ELP4: variants seen among roughly 807,000 people sequenced by gnomAD.
ELP4 encodes elongator complex protein 4.
A neutral mutation model predicts 48.9 loss-of-function variants in ELP4; 51 were observed. The observed-to-expected ratio is 1.04, with a 90% CI of 0.83 to 1.32. The LOEUF (loss-of-function observed/expected upper bound fraction) is 1.32. ELP4 is among the 40% of genes most tolerant of loss of function. The pLI is 0.00. For synonymous variants in ELP4, 210 were observed against 189.2 expected, an observed-to-expected ratio of 1.11 and a Z score of -0.90; for missense variants, 519 against 514.6, an observed-to-expected ratio of 1.01 and a Z score of -0.08.
chr11:31,561,964 T>C (rs1957031802), intron 3 of ELP4, among the ~76,000 whole-genome samples: 1 of 152,186 alleles, frequency 6.6e-6, no homozygotes, highest in African/African-American at 2.4e-5. Flanking sequence ...GTCAGCACAT[T>C]TCCCTTTAAA....
At chr11:31,681,516 G>A (rs894594280) in intron 9 of ELP4, among the ~76,000 whole-genome samples, 4 of 152,050 alleles carry the variant, frequency 2.6e-5, no homozygotes, top group Non-Finnish European at 5.9e-5. Context: ...TCAATACAGG[G>A]CAAAATATCC....
At chr11:31,717,491 C>T (rs187402227) in intron 9 of ELP4, among the ~76,000 whole-genome samples, 45 of 152,220 alleles carry the variant, frequency 3.0e-4, no homozygotes, top group Non-Finnish European at 4.4e-5. Flanking sequence ...CACAATGGCT[C>T]ACGCCTGTAA....
At chr11:31,707,157 A>G (rs1946651103) in intron 9 of ELP4, 1 of 394,022 alleles carries the variant, frequency 2.5e-6, no homozygotes, top group East Asian at 3.6e-5. Flanking sequence ...AACCCTTCAT[A>G]CTATTCTTCA....
At chr11:31,571,195 C>CT (rs1346452647) in intron 3 of ELP4, among the ~76,000 whole-genome samples, 1 of 152,218 alleles carries the variant, frequency 6.6e-6, no homozygotes, top group Non-Finnish European at 1.5e-5. Flanking sequence ...CCCTCAAACT[C>CT]TACCATTGCT....
At chr11:31,591,206 A>G (rs538498733) in intron 3 of ELP4, among the ~76,000 whole-genome samples, 1 of 152,094 alleles carries the variant, frequency 6.6e-6, no homozygotes, top group South Asian at 2.1e-4. Context: ...GGAGATTGAA[A>G]CTATCCTGGC....
chr11:31,684,300 G>A (rs1332144623), intron 9 of ELP4, among the ~76,000 whole-genome samples: 1 of 151,928 alleles, frequency 6.6e-6, no homozygotes, highest in African/African-American at 2.4e-5. Context: ...TCCACCTTAG[G>A]GATTCAAGTG....
At chr11:31,754,076 C>T (rs1005931859) in intron 9 of ELP4, among the ~76,000 whole-genome samples, 3 of 152,058 alleles carry the variant, frequency 2.0e-5, no homozygotes, top group Non-Finnish European at 4.4e-5. Context: ...TACACACATG[C>T]CCCAAATCTA....
At chr11:31,774,543 T>C (rs1050985261) in intron 9 of ELP4, among the ~76,000 whole-genome samples, 10 of 152,224 alleles carry the variant, frequency 6.6e-5, no homozygotes, top group African/African-American at 2.4e-4. Context: ...TGAGTTCATC[T>C]GTCTTTTATA....
chr11:31,570,466 C>CTTTT (rs35501118), intron 3 of ELP4, among the ~76,000 whole-genome samples: 2 of 127,906 alleles, frequency 1.6e-5, no homozygotes, highest in Non-Finnish European at 3.2e-5. Flanking sequence ...TGTAATATAC[C>CTTTT]TTTTTTTTTT....
intron 9 of ELP4, among the ~76,000 whole-genome samples, chr11:31,714,398 ACT>A (rs1946800259): frequency 6.6e-6 from 1 of 152,094 alleles, no homozygotes; most frequent in Non-Finnish European, 1.5e-5. Context: ...GTTAGTAATG[ACT>A]CTGCAGTGAT....
chr11:31,595,823 G>A (rs370293895), intron 4 of ELP4, among the ~76,000 whole-genome samples: 85 of 152,190 alleles, frequency 5.6e-4, no homozygotes, highest in African/African-American at 1.9e-3. Context: ...TTATAAGCTC[G>A]CAATATGAAA....
At chr11:31,719,417 T>C (rs1425441699) in intron 9 of ELP4, 1 of 397,654 alleles carries the variant, frequency 2.5e-6, no homozygotes. Context: ...GATTTGAAGT[T>C]GAGGTTTATA....
At chr11:31,709,101 T>C (rs1592242785) in intron 9 of ELP4, among the ~76,000 whole-genome samples, 1 of 152,242 alleles carries the variant, frequency 6.6e-6, no homozygotes, top group African/African-American at 2.4e-5. Context: ...CATCCTGTCA[T>C]TGAATATTTT....
At chr11:31,776,152 CAAAAAA>C (rs371572032) in intron 9 of ELP4, among the ~76,000 whole-genome samples, 22 of 51,718 alleles carry the variant, frequency 4.3e-4, no homozygotes, top group African/African-American at 9.7e-4. Flanking sequence ...CCCTATCTCA[CAAAAAA>C]AAAAAAAAAA....
rs1261579269 is a variant in ELP4, at chr11:31,787,426, CG to C, written c.*3904del. 2 of 233,128 alleles carry C rather than the reference CG, an allele frequency of 8.6e-6. No homozygotes were observed. Among genetic ancestry groups the C allele is most frequent in the Non-Finnish European group, 1.7e-5 (2 of 118,040 alleles). 14.4% of individuals were successfully genotyped at this position (233,128 alleles called of 1,614,324 possible). A position where few individuals can be genotyped will look rare whatever the true frequency, so the allele number is the denominator to read the frequency against. On this transcript the variant is annotated 3_prime_UTR_variant, in exon 10 of 10. Coordinates refer to ENST00000640961, the MANE Select transcript of ELP4 (RefSeq NM_019040.5). ...CTGTCTACACAACAGAACCGTGGGC[CG>C]GAACTGGCTGCCTGACCGTGGTGGA...
intron 5 of ELP4, among the ~76,000 whole-genome samples, chr11:31,624,502 T>G (rs918211091): frequency 6.6e-6 from 1 of 151,564 alleles, no homozygotes; most frequent in African/African-American, 2.4e-5. Flanking sequence ...GACTGGAAGT[T>G]GCTCTGGGTG....
intron 9 of ELP4, among the ~76,000 whole-genome samples, chr11:31,753,695 T>C (rs530021539): frequency 2.6e-5 from 4 of 152,322 alleles, no homozygotes; most frequent in African/African-American, 7.2e-5. Flanking sequence ...ATGTTGAATA[T>C]AGCATTTTTT....
At chr11:31,677,159 T>C (rs1449545158) in intron 9 of ELP4, among the ~76,000 whole-genome samples, 1 of 152,206 alleles carries the variant, frequency 6.6e-6, no homozygotes, top group Non-Finnish European at 1.5e-5. Context: ...AAATTCTAAT[T>C]AAACAGTTTC....
intron 7 of ELP4, among the ~76,000 whole-genome samples, chr11:31,638,049 T>G (rs1945017417): frequency 6.6e-6 from 1 of 151,920 alleles, no homozygotes; most frequent in African/African-American, 2.4e-5. Flanking sequence ...TTAAACTAAT[T>G]AATAAAATTA....
Sources: allele counts gnomAD v4.1 joint callset (sites outside exome capture counted in the v4.1 genomes callset), GRCh38; gene constraint gnomAD v4.1.1; transcripts MANE v1.5; gene names NCBI Gene and HGNC (gene_info 2026-07-23, HGNC 2026-07-21).